UBE2J2: variants seen among roughly 807,000 people sequenced by gnomAD.
UBE2J2 encodes ubiquitin-conjugating enzyme E2 J2.
In UBE2J2, 5 loss-of-function variants were observed where a neutral mutation model predicts 28.6. The observed-to-expected ratio is 0.17, with a 90% confidence interval of 0.09 to 0.37. The LOEUF is 0.37. Ranked by LOEUF, UBE2J2 falls within the 10% of genes least tolerant of loss-of-function variation. UBE2J2 has a pLI of 1.00. For missense variants in UBE2J2, 226 were observed against 338.9 expected, an observed-to-expected ratio of 0.67 and a Z score of 2.62; for synonymous variants, 138 against 139.7, an observed-to-expected ratio of 0.99 and a Z score of 0.09.
chr1:1,258,500 C>T (rs1382938666), intron 3 of UBE2J2, among the ~76,000 whole-genome samples: 1 of 152,048 alleles, frequency 6.6e-6, no homozygotes, highest in Non-Finnish European at 1.5e-5. Context: ...GGGTGCTCTC[C>T]TCTCAGTCCT....
intron 2 of UBE2J2, among the ~76,000 whole-genome samples, chr1:1,264,488 G>A (rs1393981802): frequency 6.6e-6 from 1 of 152,160 alleles, no homozygotes; most frequent in African/African-American, 2.4e-5. Flanking sequence ...AAAACTAATG[G>A]GGGCTGGGCT....
intron 6 of UBE2J2, among the ~76,000 whole-genome samples, 165 bp downstream of exon 6, chr1:1,255,880 C>G (rs975953521): frequency 6.6e-6 from 1 of 152,272 alleles, no homozygotes; most frequent in Admixed American, 6.5e-5. Context: ...GGCCACCCCC[C>G]AGAGCCCAGG....
At chr1:1,262,778 A>G (rs1161574110) in intron 3 of UBE2J2, 6 of 177,744 alleles carry the variant, frequency 3.4e-5, no homozygotes, top group Non-Finnish European at 7.3e-5. Flanking sequence ...TCTTCTCTAT[A>G]AATGACACTA....
At chr1:1,255,710 A>G (rs1639135220) in intron 6 of UBE2J2, among the ~76,000 whole-genome samples, 1 of 152,224 alleles carries the variant, frequency 6.6e-6, no homozygotes, top group Non-Finnish European at 1.5e-5. Flanking sequence ...GCTGAGCCAC[A>G]GAGGCCAAGA....
At chr1:1,258,048 T>G (rs899431516) in intron 3 of UBE2J2, among the ~76,000 whole-genome samples, 49 of 148,256 alleles carry the variant, frequency 3.3e-4, no homozygotes, top group Admixed American at 1.8e-3. Flanking sequence ...TTTTGTTTTG[T>G]TTTTTTTTTG....
chr1:1,260,347 C>A (rs778901320), intron 3 of UBE2J2, among the ~76,000 whole-genome samples: 9 of 152,226 alleles, frequency 5.9e-5, no homozygotes, highest in Admixed American at 1.3e-4. Context: ...ATGTTTAGCT[C>A]GGTGCTAATG....
At chr1:1,255,676 T>C (rs1410300695) in intron 6 of UBE2J2, among the ~76,000 whole-genome samples, 189 bp from the exon 7 acceptor site, 2 of 152,032 alleles carry the variant, frequency 1.3e-5, no homozygotes, top group African/African-American at 2.4e-5. Context: ...CCTTGGCCCC[T>C]GCACTCAGGC....
intron 2 of UBE2J2, chr1:1,266,298 T>A (rs538074875): frequency 3.9e-6 from 3 of 769,356 alleles, no homozygotes; most frequent in Admixed American, 8.3e-5. Flanking sequence ...TCTCTGGAAT[T>A]AAAAAAAATT....
At chr1:1,266,529 AAAAT>A (rs1557563809) in intron 2 of UBE2J2, among the ~76,000 whole-genome samples, 1 of 152,138 alleles carries the variant, frequency 6.6e-6, no homozygotes, top group African/African-American at 2.4e-5. Flanking sequence ...CTGTCTCAAA[AAAAT>A]AAATAAGGCC....
rs60924258 is a variant in UBE2J2 at position 1,271,974 on chromosome 1, CAAAAAAAAAAAAAAAA to C, written c.-1+1676_-1+1691del. On this transcript the variant is annotated intron_variant, in intron 1 of 6. Transcript: ENST00000349431. The stretch of plus-strand genomic sequence containing the variant: ...GGGCAACAAGAGCGAAACTCCGTCT[CAAAAAAAAAAAAAAAA>C]AAAAAAAAAAAAAATTAGCCGGGTG... 3.9e-3 allele frequency among the ~76,000 whole-genome samples: 108 copies of C among 27,628 alleles called. 1 individual carries two copies. The highest frequency in any genetic ancestry group is 7.8e-3 in the African/African-American group (104 of 13,312). 18.1% of individuals were successfully genotyped at this position (27,628 alleles called of 152,430 possible).
chr1:1,271,850 T>C (rs543811326), intron 1 of UBE2J2, among the ~76,000 whole-genome samples: 233 of 152,060 alleles, frequency 1.5e-3, no homozygotes, highest in Non-Finnish European at 2.5e-3. Flanking sequence ...GGCATGTGCC[T>C]GTAATCCCAG....
chr1:1,264,569 C>T (rs774612927), intron 2 of UBE2J2, among the ~76,000 whole-genome samples: 24 of 152,138 alleles, frequency 1.6e-4, no homozygotes, highest in Non-Finnish European at 3.4e-4. Flanking sequence ...GTCAGGAATT[C>T]GAGACCAGCC....
chr1:1,271,990 A>AT (rs1640172860), intron 1 of UBE2J2, among the ~76,000 whole-genome samples: 4 of 149,564 alleles, frequency 2.7e-5, no homozygotes, highest in African/African-American at 7.4e-5. Flanking sequence ...AAAAAAAAAA[A>AT]AAAAAAAAAA....
intron 1 of UBE2J2, among the ~76,000 whole-genome samples, chr1:1,270,011 C>T (rs1044963285): frequency 3.9e-5 from 6 of 152,256 alleles, no homozygotes; most frequent in Non-Finnish European, 5.9e-5. Flanking sequence ...TTCCCCAAGC[C>T]GTTCCAGTGA....
At chr1:1,269,560 A>G (rs1640046017) in intron 1 of UBE2J2, among the ~76,000 whole-genome samples, 1 of 151,554 alleles carries the variant, frequency 6.6e-6, no homozygotes, top group Admixed American at 6.6e-5. Flanking sequence ...TCCTGGGTTC[A>G]AGTGATTCTC....
In UBE2J2 at chr1:1,268,806, T is replaced by C. The variant is rs569567400; in HGVS notation, c.1-814A>G. ...AATCCTCCCACCTCAGCCTCCTGAG[T>C]AGCTGAGACTACAGACGCATGCCAC... On this transcript the variant is annotated intron_variant, in intron 1 of 6. Coordinates refer to ENST00000349431, the MANE Select transcript of UBE2J2 (RefSeq NM_058167.3). The surrounding 1 kb of genome is among the most constrained non-coding windows in gnomAD (Gnocchi z 4.7). Among the ~76,000 whole-genome samples the C allele has an allele frequency of 7.8e-4, 118 of 151,972 alleles. No individual in the cohort carries two copies. Among genetic ancestry groups the C allele is most frequent in the African/African-American group, 2.8e-3 (116 of 41,436 alleles).
intron 1 of UBE2J2, among the ~76,000 whole-genome samples, chr1:1,270,761 G>A (rs989160620): frequency 3.3e-5 from 5 of 151,546 alleles, no homozygotes; most frequent in Non-Finnish European, 5.9e-5. Context: ...CCACAGCCAA[G>A]CAAATAAACA....
intron 2 of UBE2J2, among the ~76,000 whole-genome samples, chr1:1,265,567 G>A (rs1213967058): frequency 8.2e-6 from 1 of 122,602 alleles, no homozygotes; most frequent in African/African-American, 4.0e-5. Context: ...TTTCTCTCGT[G>A]TGTGTGTGTG....
chr1:1,255,898 C>T (rs934244209), intron 6 of UBE2J2, 147 bp downstream of exon 6: 122 of 690,426 alleles, frequency 1.8e-4, no homozygotes, highest in Non-Finnish European at 2.8e-4. Flanking sequence ...AGGCTTTCTG[C>T]CTCCCCTGCC....
Sources: allele counts gnomAD v4.1 joint callset (sites outside exome capture counted in the v4.1 genomes callset), GRCh38; gene constraint gnomAD v4.1.1; non-coding constraint Gnocchi (gnomAD v3.1); transcripts MANE v1.5; gene names NCBI Gene and HGNC (gene_info 2026-07-23, HGNC 2026-07-21).